EIF4EBP1: variants seen among roughly 807,000 people sequenced by gnomAD.
The protein encoded by EIF4EBP1 is eukaryotic translation initiation factor 4E binding protein 1.
In EIF4EBP1, 5 loss-of-function variants were observed where a neutral mutation model predicts 9.2. The observed-to-expected ratio is 0.54, with a 90% CI of 0.28 to 1.14. The LOEUF is 1.14. EIF4EBP1 is among the 50% of genes most tolerant of loss of function. EIF4EBP1 has a pLI of 0.09. For missense variants in EIF4EBP1, 139 were observed against 169.6 expected (o/e 0.82, Z 1.00); for synonymous variants, 62 against 67.0 (o/e 0.93, Z 0.36).
intron 1 of EIF4EBP1, among the ~76,000 whole-genome samples, chr8:38,040,810 T>C (rs564775567): frequency 6.6e-6 from 1 of 152,296 alleles, no homozygotes; most frequent in Admixed American, 6.5e-5. Flanking sequence ...AAGTATTCTG[T>C]CGGTCAAAGC....
intron 1 of EIF4EBP1, among the ~76,000 whole-genome samples, chr8:38,047,179 T>C (rs912490263): frequency 3.3e-5 from 5 of 152,206 alleles, no homozygotes; most frequent in Non-Finnish European, 5.9e-5. Context: ...TCTGTGGACT[T>C]CACACACTTG....
chr8:38,043,990 C>T (rs948998276), intron 1 of EIF4EBP1, among the ~76,000 whole-genome samples: 23 of 152,062 alleles, frequency 1.5e-4, no homozygotes, highest in Non-Finnish European at 5.9e-5. Context: ...TCTGGCATGT[C>T]GGCGTATTTA....
chr8:38,047,367 T>G (rs1809460914), intron 1 of EIF4EBP1: 2 of 152,190 alleles, frequency 1.3e-5, no homozygotes, highest in African/African-American at 4.8e-5. Context: ...AAAAAAGGAT[T>G]GAGCAAAGAC....
intron 2 of EIF4EBP1, among the ~76,000 whole-genome samples, chr8:38,058,251 G>A (rs1158282356): frequency 2.0e-5 from 3 of 152,182 alleles, no homozygotes; most frequent in African/African-American, 7.2e-5. Flanking sequence ...GGCTGGGAAG[G>A]CCAAGGGCAT....
At chr8:38,032,024 T>C (rs1314101403) in intron 1 of EIF4EBP1, among the ~76,000 whole-genome samples, 2 of 152,236 alleles carry the variant, frequency 1.3e-5, no homozygotes, top group Non-Finnish European at 2.9e-5. Flanking sequence ...GTCCATGCTG[T>C]TCTCCTTTGT....
Position 38,038,432 on chromosome 8 carries a change from C to T in EIF4EBP1, c.145+7714C>T, listed in dbSNP as rs919132136. Among the ~76,000 whole-genome samples the T allele has an allele frequency of 2.1e-4, 31 of 145,260 alleles. No homozygotes were observed. The South Asian group carries it at 3.3e-3, about 15-fold the overall frequency. On this transcript the variant is annotated intron_variant, in intron 1 of 2. Transcript: ENST00000338825. ...CTGAGGCAGAAGAATCGCTTGAACC[C>T]GGGAGACAGAGGTTGCAGTGAGCCG...
At position 38,059,943 on chromosome 8, in the gene EIF4EBP1, G is replaced by C; in HGVS notation, c.*8G>C. On this transcript the variant is annotated 3_prime_UTR_variant, in exon 3 of 3. Coordinates refer to ENST00000338825, the MANE Select transcript of EIF4EBP1 (RefSeq NM_004095.4). ...TTTGAGATGGACATTTAAAGCACCA[G>C]CCATCGTGTGGAGCACTACCAAGGG... 2.5e-6 allele frequency: 4 copies of C among 1,614,134 alleles called. No homozygotes were observed. The highest frequency in any genetic ancestry group is 3.4e-6 in the Non-Finnish European group (4 of 1,179,978).
At chr8:38,031,412 C>T (rs894421727) in intron 1 of EIF4EBP1, among the ~76,000 whole-genome samples, 1 of 152,190 alleles carries the variant, frequency 6.6e-6, no homozygotes, top group African/African-American at 2.4e-5. Flanking sequence ...GCTGAGCTGG[C>T]ACGGGTGGGG....
chr8:38,059,453 G>A (rs569469651), intron 2 of EIF4EBP1, among the ~76,000 whole-genome samples: 1 of 152,062 alleles, frequency 6.6e-6, no homozygotes, highest in South Asian at 2.1e-4. Flanking sequence ...CCGCGAGCCA[G>A]TTAAACCTCT....
chr8:38,049,474 G>A (rs568859581), intron 1 of EIF4EBP1, among the ~76,000 whole-genome samples: 37 of 148,930 alleles, frequency 2.5e-4, no homozygotes, highest in Non-Finnish European at 3.6e-4. Context: ...GAAAATTTCC[G>A]TCTTCTTTTT....
intron 2 of EIF4EBP1, among the ~76,000 whole-genome samples, chr8:38,057,593 A>G (rs2130402361): frequency 6.6e-6 from 1 of 152,356 alleles, no homozygotes. Flanking sequence ...TTGTCTCTGA[A>G]GCATTTCCAC....
At chr8:38,035,175 T>A (rs1262794462) in intron 1 of EIF4EBP1, among the ~76,000 whole-genome samples, 1 of 152,140 alleles carries the variant, frequency 6.6e-6, no homozygotes, top group Non-Finnish European at 1.5e-5. Context: ...GGGTTCCTGG[T>A]GTAGAGCACT....
chr8:38,045,645 C>T (rs911494675), intron 1 of EIF4EBP1, among the ~76,000 whole-genome samples: 4 of 151,864 alleles, frequency 2.6e-5, no homozygotes, highest in African/African-American at 9.7e-5. Flanking sequence ...GCAGAAGTTG[C>T]AGTAAGCCAA....
In EIF4EBP1 at chr8:38,057,255, C is replaced by T. The variant is rs751889248; in HGVS notation, c.320C>T (p.Ala107Val). The change falls in exon 2 of 3, where the codon GCG (alanine) becomes GTG (valine). Residue 107 changes from alanine (A) to valine (V), a missense_variant. Coordinates refer to ENST00000338825, the MANE Select transcript of EIF4EBP1 (RefSeq NM_004095.4). ...HLRNSPEDKR[A>V]GGEESQFEMD... ...CGCAATAGCCCAGAAGATAAGCGGG[C>T]GGGCGGTGAGTGTCGGGGCTTGGCC... 9.3e-6 allele frequency: 15 copies of T among 1,605,790 alleles called. No homozygotes were observed. In the East Asian group the frequency reaches 1.1e-4, roughly 12 times the overall value.
chr8:38,032,300 G>T (rs1355008970), intron 1 of EIF4EBP1, among the ~76,000 whole-genome samples: 3 of 150,534 alleles, frequency 2.0e-5, no homozygotes, highest in Non-Finnish European at 4.4e-5. Flanking sequence ...ATTGCTTGAG[G>T]CCAGGAGTTC....
Position 38,030,697 on chromosome 8 carries a change from C to T in EIF4EBP1, c.124C>T (p.Leu42Phe). The T allele has an allele frequency of 6.9e-7, 1 of 1,458,498 alleles. No homozygotes were observed. The highest frequency in any genetic ancestry group is 9.0e-7 in the Non-Finnish European group (1 of 1,109,720). 90.3% of individuals were successfully genotyped at this position (1,458,498 alleles called of 1,614,324 possible). The part of the protein sequence containing the change: ...GDYSTTPGGT[L>F]FSTTPGGTRI... ...CTACAGCACGACCCCCGGCGGCACG[C>T]TCTTCAGCACCACCCCGGGAGGTAG... The change falls in exon 1 of 3, where the codon CTC becomes TTC. Residue 42 changes from leucine (L) to phenylalanine (F), a missense_variant. Leu to Phe is a conservative substitution (Grantham distance 22). Coordinates refer to ENST00000338825, the MANE Select transcript of EIF4EBP1 (RefSeq NM_004095.4).
intron 1 of EIF4EBP1, among the ~76,000 whole-genome samples, chr8:38,038,105 C>T (rs925628374): frequency 5.9e-5 from 9 of 152,082 alleles, no homozygotes; most frequent in African/African-American, 1.7e-4. Context: ...TCCTACTTAT[C>T]CTCATACAGA....
At chr8:38,052,216 G>A (rs574188803) in intron 1 of EIF4EBP1, among the ~76,000 whole-genome samples, 1 of 151,630 alleles carries the variant, frequency 6.6e-6, no homozygotes, top group African/African-American at 2.4e-5. Flanking sequence ...AGTGTCCCCA[G>A]CACCAAGTAG....
intron 1 of EIF4EBP1, among the ~76,000 whole-genome samples, chr8:38,046,278 C>A (rs767846027): frequency 6.6e-6 from 1 of 152,112 alleles, no homozygotes; most frequent in African/African-American, 2.4e-5. Context: ...TTGAACCCCC[C>A]CATTGCTTTA....
Sources: allele counts gnomAD v4.1 joint callset (sites outside exome capture counted in the v4.1 genomes callset), GRCh38; gene constraint gnomAD v4.1.1; transcripts MANE v1.5; gene names NCBI Gene and HGNC (gene_info 2026-07-23, HGNC 2026-07-21).